Variants in MICU2 observed in about 807,000 individuals in gnomAD.
MICU2 encodes the protein mitochondrial calcium uptake 2.
In MICU2, 64 loss-of-function variants were observed where a neutral mutation model predicts 60.4. The observed-to-expected ratio is 1.06, with a 90% CI of 0.87 to 1.31. MICU2 has a LOEUF of 1.31. Ranked by LOEUF, MICU2 falls within the 50% of genes most tolerant of loss-of-function variation. MICU2 has a pLI of 0.00. For missense variants in MICU2, 569 were observed against 531.0 expected (o/e 1.07, Z -0.70); for synonymous variants, 201 against 175.0 (o/e 1.15, Z -1.17).
Position 21,522,609 on chromosome 13 carries a change from G to A in MICU2, c.508C>T (p.Leu170Phe). Residue 170 changes from leucine (L) to phenylalanine (F), a missense_variant, in exon 5 of 12, where the codon CTC becomes TTC. Transcript: ENST00000382374. ...YTEYLFLLTILTKPHSGFHVA... is the reference protein window; with the variant it reads ...YTEYLFLLTIFTKPHSGFHVA... ...AAAACTGTGGGATACTTACTAGTGAGGATTGTAAGCAAGAAAAGATACTCG... is the reference window on the plus strand; with the variant it reads ...AAAACTGTGGGATACTTACTAGTGAAGATTGTAAGCAAGAAAAGATACTCG... 2 of 1,601,606 alleles carry A rather than the reference G, an allele frequency of 1.2e-6. No homozygotes were observed. The highest frequency in any genetic ancestry group is 1.7e-6 in the Non-Finnish European group (2 of 1,173,688).
intron 1 of MICU2, among the ~76,000 whole-genome samples, chr13:21,571,761 G>A (rs927626556): frequency 1.3e-5 from 2 of 152,196 alleles, no homozygotes; most frequent in African/African-American, 4.8e-5. Flanking sequence ...CTTAAAGGAT[G>A]AGCAGGAGTT....
At chr13:21,586,163 CCTAA>C (rs746304248) in intron 1 of MICU2, among the ~76,000 whole-genome samples, 2 of 152,142 alleles carry the variant, frequency 1.3e-5, no homozygotes, top group African/African-American at 2.4e-5. Flanking sequence ...CCCCTCTCCC[CCTAA>C]CTATCTGGGT....
chr13:21,505,025 A>G (rs1297280196), intron 8 of MICU2, among the ~76,000 whole-genome samples: 2 of 152,192 alleles, frequency 1.3e-5, no homozygotes, highest in Non-Finnish European at 2.9e-5. Context: ...ACTCAGCCCT[A>G]AAAAGTACAT....
At chr13:21,581,872 C>A (rs1341889469) in intron 1 of MICU2, among the ~76,000 whole-genome samples, 1 of 152,158 alleles carries the variant, frequency 6.6e-6, no homozygotes, top group Non-Finnish European at 1.5e-5. Context: ...CAACTGCTAT[C>A]TAGCACAAAT....
chr13:21,583,424 T>C (rs894541549), intron 1 of MICU2, among the ~76,000 whole-genome samples: 1 of 152,342 alleles, frequency 6.6e-6, no homozygotes, highest in Non-Finnish European at 1.5e-5. Flanking sequence ...TGAACCCCAA[T>C]GCTTCCTCAT....
chr13:21,493,250 TA>T lies in MICU2; in HGVS notation c.1303del (p.Ter435AsnfsTer21). The T allele has an allele frequency of 2.5e-6, 4 of 1,590,760 alleles. No individual in the cohort carries two copies. Among genetic ancestry groups the T allele is most frequent in the Middle Eastern group, 1.7e-4 (1 of 5,918 alleles). On this transcript the variant is annotated frameshift_variant and stop_lost, in exon 12 of 12. Transcript: ENST00000382374. LOFTEE classifies it high-confidence loss of function. ...VWKQAGKGLF[*>X] ...ATTGCCATACTATTATATCTTTTAT[TA>T]AAAAAGACCTTTTCCAGCTTGTTTC...
At chr13:21,495,431 GA>G in intron 10 of MICU2, 113 bp from the exon 11 acceptor site, 1 of 1,140,228 alleles carries the variant, frequency 8.8e-7, no homozygotes, top group Non-Finnish European at 1.2e-6. Flanking sequence ...TATTATTTGG[GA>G]AGTAAAACAA....
intron 4 of MICU2, among the ~76,000 whole-genome samples, chr13:21,533,387 A>T (rs1048259485): frequency 2.7e-5 from 4 of 149,412 alleles, no homozygotes; most frequent in African/African-American, 9.9e-5. Context: ...GCAGTGGCGC[A>T]ATCTCGGCTC....
intron 6 of MICU2, among the ~76,000 whole-genome samples, chr13:21,517,797 ACACGCGCGCGCGCGCG>A (rs1313606330): frequency 1.0e-4 from 9 of 90,180 alleles, no homozygotes; most frequent in Middle Eastern, 6.9e-3. Flanking sequence ...ACACACACAC[ACACGCGCGCGCGCGCG>A]CACACGCGCT....
intron 2 of MICU2, among the ~76,000 whole-genome samples, chr13:21,550,639 A>C (rs1887536566): frequency 1.3e-5 from 2 of 152,230 alleles, no homozygotes; most frequent in Admixed American, 1.3e-4. Context: ...TATAGAAAAT[A>C]TTTAAAAATC....
Position 21,587,631 on chromosome 13 carries a change from G to A in MICU2, c.210+16308C>T, listed in dbSNP as rs115733670. Among the ~76,000 whole-genome samples the A allele has an allele frequency of 8.8e-3, 1,338 of 152,270 alleles. 30 individuals carry two copies. Among genetic ancestry groups the A allele is most frequent in the African/African-American group, 0.029 (1,206 of 41,560 alleles). On this transcript the variant is annotated intron_variant, in intron 1 of 11. Coordinates refer to ENST00000382374, the MANE Select transcript of MICU2 (RefSeq NM_152726.3). ...GAACAATACGAATGGATTATAGATC[G>A]GAGGAAAAGCATGCTGATTTCGAAG...
intron 8 of MICU2, among the ~76,000 whole-genome samples, chr13:21,506,509 T>C (rs568080272): frequency 2.0e-5 from 3 of 152,252 alleles, no homozygotes; most frequent in Non-Finnish European, 4.4e-5. Flanking sequence ...TCTGCTAGCC[T>C]GGAAATGTGT....
chr13:21,493,984 T>A (rs1885926734), intron 11 of MICU2, among the ~76,000 whole-genome samples: 1 of 152,136 alleles, frequency 6.6e-6, no homozygotes. Flanking sequence ...GAAGCAAAAT[T>A]CTACTCCAGA....
chr13:21,516,525 A>G (rs1233542539), intron 6 of MICU2, among the ~76,000 whole-genome samples: 1 of 152,240 alleles, frequency 6.6e-6, no homozygotes, highest in Non-Finnish European at 1.5e-5. Context: ...TGCCACAAAC[A>G]TCTTTTACAA....
At chr13:21,538,562 CAA>C (rs71650194) in intron 4 of MICU2, among the ~76,000 whole-genome samples, 1 of 102,196 alleles carries the variant, frequency 9.8e-6, no homozygotes, top group African/African-American at 3.8e-5. Context: ...GACCCTGTCT[CAA>C]AAAAAAAAAA....
At chr13:21,579,634 G>A (rs1342128582) in intron 1 of MICU2, among the ~76,000 whole-genome samples, 1 of 152,052 alleles carries the variant, frequency 6.6e-6, no homozygotes, top group Admixed American at 6.5e-5. Flanking sequence ...GAGCCACCAC[G>A]CCCGACTCAA....
chr13:21,522,488 T>G, intron 5 of MICU2, 115 bp downstream of exon 5: 3 of 746,846 alleles, frequency 4.0e-6, no homozygotes, highest in Admixed American at 3.0e-5. Context: ...ATATAGAAAC[T>G]AAGGCATCAA....
At chr13:21,540,738 T>C (rs957209847) in intron 2 of MICU2, among the ~76,000 whole-genome samples, 4 of 152,162 alleles carry the variant, frequency 2.6e-5, no homozygotes, top group African/African-American at 9.6e-5. Context: ...GAGAAACTAT[T>C]ATGTGCCAGC....
At chr13:21,528,165 A>G (rs1399098757) in intron 4 of MICU2, among the ~76,000 whole-genome samples, 1 of 152,076 alleles carries the variant, frequency 6.6e-6, no homozygotes, top group Non-Finnish European at 1.5e-5. Flanking sequence ...CGTGTTGGTA[A>G]ATTATTTTCT....
Sources: gnomAD v4.1 joint callset for allele counts (sites outside exome capture counted in the v4.1 genomes callset) on GRCh38, gnomAD v4.1.1 for gene constraint, MANE v1.5 for transcripts, NCBI Gene and HGNC (gene_info 2026-07-23, HGNC 2026-07-21) for gene names.